The following RASSF3 variants were observed in gnomAD, a reference collection of about 807,000 sequenced individuals.
The protein encoded by RASSF3 is Ras association domain family member 3.
In RASSF3, 19 loss-of-function variants were observed where a neutral mutation model predicts 19.9. The ratio of observed to expected loss-of-function variants is 0.96; its 90% CI spans 0.67 to 1.40. The LOEUF (loss-of-function observed/expected upper bound fraction) is 1.40. Among genes scored for constraint, RASSF3 ranks in the 40% most tolerant of loss-of-function variants. The probability of loss-of-function intolerance (pLI) is 0.00; values close to 1 mark genes in which losing one functional copy is unlikely to be tolerated. For synonymous variants in RASSF3, 110 were observed against 104.2 expected (o/e 1.06, Z -0.34); for missense variants, 306 against 289.8 (o/e 1.06, Z -0.41).
intron 1 of RASSF3, among the ~76,000 whole-genome samples, chr12:64,634,947 TTTTTCTTTTC>T (rs551686050): frequency 5.4e-5 from 8 of 147,148 alleles, no homozygotes; most frequent in Non-Finnish European, 8.9e-5. Context: ...TAGTTTCTTC[TTTTTCTTTTC>T]TTTTCTTTTC....
chr12:64,673,139 T>C (rs528817033), intron 1 of RASSF3, among the ~76,000 whole-genome samples: 17 of 152,214 alleles, frequency 1.1e-4, no homozygotes. Flanking sequence ...CTCCAAACTT[T>C]GACCTTAATA....
intron 1 of RASSF3, among the ~76,000 whole-genome samples, chr12:64,630,508 A>G (rs1390491768): frequency 6.6e-6 from 1 of 152,218 alleles, no homozygotes; most frequent in East Asian, 1.9e-4. Context: ...CCTGAATGAC[A>G]GAGACAGACC....
intron 1 of RASSF3, among the ~76,000 whole-genome samples, chr12:64,612,234 G>T (rs867324047): frequency 2.0e-5 from 3 of 151,810 alleles, no homozygotes; most frequent in Non-Finnish European, 4.4e-5. Context: ...CCCCTTCTCC[G>T]TTTTGCATTT....
At chr12:64,685,916 T>C (rs1873332552) in intron 2 of RASSF3, among the ~76,000 whole-genome samples, 1 of 152,182 alleles carries the variant, frequency 6.6e-6, no homozygotes, top group African/African-American at 2.4e-5. Context: ...GGCACTTGGA[T>C]CCCCGTCTCT....
intron 1 of RASSF3, among the ~76,000 whole-genome samples, chr12:64,661,347 C>T (rs1872350720): frequency 6.6e-6 from 1 of 152,008 alleles, no homozygotes. Flanking sequence ...ACTAGCTGGG[C>T]ACAGTGTGGC....
intron 1 of RASSF3, among the ~76,000 whole-genome samples, chr12:64,538,157 A>G (rs1240999307): frequency 6.6e-6 from 1 of 151,536 alleles, no homozygotes; most frequent in East Asian, 1.9e-4. Context: ...CTAAGCTAAT[A>G]TTTTTCTATT....
chr12:64,608,099 T>A (rs1041118684), upstream of RASSF3, among the ~76,000 whole-genome samples: 7 of 151,842 alleles, frequency 4.6e-5, no homozygotes, highest in Admixed American at 3.3e-4. Flanking sequence ...AATCATTTTT[T>A]TTTAGAGAAA....
intron 2 of RASSF3, among the ~76,000 whole-genome samples, chr12:64,581,171 G>C (rs915181176): frequency 4.0e-5 from 6 of 151,744 alleles, no homozygotes. Flanking sequence ...CACTCATCCA[G>C]TTCTTCATTT....
chr12:64,572,707 C>T (rs1255097073), intron 2 of RASSF3, among the ~76,000 whole-genome samples: 7 of 152,124 alleles, frequency 4.6e-5, no homozygotes, highest in Admixed American at 4.6e-4. Context: ...GAAGAAATCA[C>T]AGAAAGTAAG....
At chr12:64,606,339 G>C (rs909782837), upstream of RASSF3, among the ~76,000 whole-genome samples, 1 of 152,184 alleles carries the variant, frequency 6.6e-6, no homozygotes, top group Non-Finnish European at 1.5e-5. Context: ...TAGTTAACAA[G>C]AAAGAAGTGA....
intron 1 of RASSF3, among the ~76,000 whole-genome samples, chr12:64,611,834 G>T (rs1359859310): frequency 6.6e-6 from 1 of 152,154 alleles, no homozygotes; most frequent in African/African-American, 2.4e-5. Flanking sequence ...CTTAAGTTTA[G>T]CCACTTTCTG....
intron 1 of RASSF3, among the ~76,000 whole-genome samples, chr12:64,629,440 T>G (rs1395235059): frequency 6.6e-6 from 1 of 152,100 alleles, no homozygotes; most frequent in Non-Finnish European, 1.5e-5. Context: ...AGGACTATAC[T>G]TAAATGCATA....
chr12:64,546,300 T>C (rs1869053335), downstream of RASSF3, among the ~76,000 whole-genome samples: 1 of 152,158 alleles, frequency 6.6e-6, no homozygotes, highest in Admixed American at 6.6e-5. Context: ...AGACGGAGTC[T>C]CGCTCTGTTG....
chr12:64,592,328 T>G (rs1281517120), intron 2 of RASSF3, among the ~76,000 whole-genome samples: 1 of 152,224 alleles, frequency 6.6e-6, no homozygotes, highest in Non-Finnish European at 1.5e-5. Context: ...AGAGTCCTGA[T>G]TTCTTTTTAA....
chr12:64,619,868 TACTCG>T (rs1399408879), intron 1 of RASSF3, among the ~76,000 whole-genome samples: 2 of 151,782 alleles, frequency 1.3e-5, no homozygotes, highest in Non-Finnish European at 2.9e-5. Context: ...TACTCCCAGC[TACTCG>T]GTAGGCTGAG....
At chr12:64,600,033 C>CAAAAAAAAA (rs34515445) in intron 2 of RASSF3, among the ~76,000 whole-genome samples, 1 of 64,000 alleles carries the variant, frequency 1.6e-5, no homozygotes. Flanking sequence ...GACTCCATCT[C>CAAAAAAAAA]AAAAAAAAAA....
At chr12:64,562,023 T>TTATTTATTTATTTTTG (rs141301351) in intron 2 of RASSF3, among the ~76,000 whole-genome samples, 11,862 of 139,148 alleles carry the variant, frequency 0.085, 668 homozygotes, top group South Asian at 0.12. Flanking sequence ...ATTTATTTAT[T>TTATTTATTTATTTTTG]TTTGTTTGTT....
chr12:64,511,465 G>C (rs1236175927), intron 1 of RASSF3, among the ~76,000 whole-genome samples: 1 of 149,066 alleles, frequency 6.7e-6, no homozygotes, highest in Non-Finnish European at 1.5e-5. Flanking sequence ...CTGGGCAATA[G>C]AGCAAGACTC....
chr12:64,693,762 G>A (rs539685482), intron 4 of RASSF3, among the ~76,000 whole-genome samples: 15 of 152,282 alleles, frequency 9.9e-5, no homozygotes, highest in South Asian at 4.1e-4. Flanking sequence ...TGCTAAATAA[G>A]TACTAGGAGC....
Sources: allele counts gnomAD v4.1 joint callset (sites outside exome capture counted in the v4.1 genomes callset), GRCh38; gene constraint gnomAD v4.1.1; transcripts MANE v1.5; gene names NCBI Gene and HGNC (gene_info 2026-07-23, HGNC 2026-07-21).